SGCD: variants seen among roughly 807,000 people sequenced by gnomAD.
SGCD encodes the protein delta-sarcoglycan.
Under a neutral mutation model 36.6 loss-of-function variants are expected in SGCD, and 18 were observed. The ratio of observed to expected loss-of-function variants is 0.49; its 90% CI spans 0.34 to 0.73. SGCD has a LOEUF of 0.73. Among genes scored for constraint, SGCD ranks in the 30% least tolerant of loss-of-function variants. The pLI is 0.01. For missense variants in SGCD, 387 were observed against 346.7 expected (o/e 1.12, Z -0.92); for synonymous variants, 133 against 130.6 (o/e 1.02, Z -0.12).
chr5:155,873,053 C>T (rs1177263871), intron 1 of SGCD, among the ~76,000 whole-genome samples: 1 of 152,130 alleles, frequency 6.6e-6, no homozygotes, highest in Non-Finnish European at 1.5e-5. Context: ...GACAAAGGCA[C>T]AATGTAGTTA....
chr5:156,510,609 T>G (rs1355743120), intron 4 of SGCD, among the ~76,000 whole-genome samples: 1 of 152,118 alleles, frequency 6.6e-6, no homozygotes, highest in Non-Finnish European at 1.5e-5. Flanking sequence ...ATTTTAAACT[T>G]TTTTTTTCTT....
intron 3 of SGCD, among the ~76,000 whole-genome samples, chr5:156,226,739 C>CAACATCTA (rs1349583085): frequency 6.6e-6 from 1 of 152,082 alleles, no homozygotes; most frequent in Non-Finnish European, 1.5e-5. Flanking sequence ...TGTTCCATGC[C>CAACATCTA]AACATCTACA....
At chr5:155,852,239 T>C in the SGCD span, among the ~76,000 whole-genome samples, 6 of 152,216 alleles carry the variant, frequency 3.9e-5, no homozygotes, top group Admixed American at 6.5e-5. Flanking sequence ...TGTAATTTTT[T>C]TCAAATGTGC....
intron 1 of SGCD, among the ~76,000 whole-genome samples, chr5:156,085,865 T>G (rs919688063): frequency 4.6e-5 from 7 of 152,200 alleles, no homozygotes; most frequent in African/African-American, 1.7e-4. Flanking sequence ...AAATTCACTC[T>G]AAATATACTA....
intron 3 of SGCD, among the ~76,000 whole-genome samples, chr5:156,191,933 A>G (rs1763903010): frequency 6.6e-6 from 1 of 152,198 alleles, no homozygotes; most frequent in Non-Finnish European, 1.5e-5. Flanking sequence ...AAACAAAAAC[A>G]AAAACAAAAC....
chr5:156,479,259 A>AT (rs1469301330), intron 3 of SGCD, among the ~76,000 whole-genome samples: 19 of 150,972 alleles, frequency 1.3e-4, no homozygotes, highest in African/African-American at 3.9e-4. Flanking sequence ...TGTCTGGCTA[A>AT]TTTTTTTTGT....
At chr5:156,522,221 A>G (rs1475101064) in intron 4 of SGCD, among the ~76,000 whole-genome samples, 1 of 152,158 alleles carries the variant, frequency 6.6e-6, no homozygotes, top group Non-Finnish European at 1.5e-5. Context: ...GAGGGATAGC[A>G]TCAGGAGAAA....
At chr5:155,850,368 CAG>C in the SGCD span, among the ~76,000 whole-genome samples, 16 of 151,884 alleles carry the variant, frequency 1.1e-4, no homozygotes, top group East Asian at 1.9e-4. Context: ...GAGGAAGAAA[CAG>C]GGGAATTTTT....
At chr5:156,028,048 C>T (rs1759263658) in intron 1 of SGCD, among the ~76,000 whole-genome samples, 1 of 152,136 alleles carries the variant, frequency 6.6e-6, no homozygotes, top group Admixed American at 6.5e-5. Flanking sequence ...TCCTAAAGCT[C>T]CTGTCTTTTA....
chr5:156,399,494 T>G (rs1465662516), intron 3 of SGCD, among the ~76,000 whole-genome samples: 1 of 152,216 alleles, frequency 6.6e-6, no homozygotes, highest in Non-Finnish European at 1.5e-5. Flanking sequence ...GTGGCTTTAC[T>G]GGCCAGCTTC....
At chr5:155,776,049 A>G in the SGCD span, among the ~76,000 whole-genome samples, 1 of 152,190 alleles carries the variant, frequency 6.6e-6, no homozygotes, top group African/African-American at 2.4e-5. Context: ...AAGTTTCTGG[A>G]TGTTAACTAG....
At chr5:156,098,123 T>C (rs909029503) in intron 1 of SGCD, among the ~76,000 whole-genome samples, 1 of 152,210 alleles carries the variant, frequency 6.6e-6, no homozygotes, top group African/African-American at 2.4e-5. Context: ...AGAAGTATTT[T>C]GAGTCCACAG....
intron 7 of SGCD, among the ~76,000 whole-genome samples, chr5:156,755,452 A>C (rs1031774338): frequency 2.0e-5 from 3 of 151,954 alleles, no homozygotes; most frequent in African/African-American, 7.3e-5. Flanking sequence ...AGAGAATGGC[A>C]AAAAAAACCA....
the SGCD span, among the ~76,000 whole-genome samples, chr5:155,755,811 T>C: frequency 6.6e-6 from 1 of 152,196 alleles, no homozygotes; most frequent in African/African-American, 2.4e-5. Context: ...TTTCAATTTG[T>C]TAATGTTTAT....
At chr5:156,239,701 A>G (rs1362885289) in intron 3 of SGCD, among the ~76,000 whole-genome samples, 4 of 152,174 alleles carry the variant, frequency 2.6e-5, no homozygotes, top group Non-Finnish European at 5.9e-5. Flanking sequence ...TGAGTTTATC[A>G]CCTATTTACC....
At chr5:156,298,394 G>T (rs182499544) in intron 3 of SGCD, among the ~76,000 whole-genome samples, 1 of 151,862 alleles carries the variant, frequency 6.6e-6, no homozygotes, top group African/African-American at 2.4e-5. Context: ...GTGTACAAGG[G>T]TTCCATTTTC....
At chr5:156,566,636 A>G (rs1759489815) in intron 4 of SGCD, among the ~76,000 whole-genome samples, 1 of 152,168 alleles carries the variant, frequency 6.6e-6, no homozygotes, top group South Asian at 2.1e-4. Context: ...TTTTTCTTTG[A>G]TAATCTAAAA....
At chr5:155,865,272 T>G in the SGCD span, among the ~76,000 whole-genome samples, 1 of 78,904 alleles carries the variant, frequency 1.3e-5, no homozygotes, top group African/African-American at 2.9e-5. Context: ...AATTTATACA[T>G]TTTTTTAAAT....
At chr5:156,117,638 TCTTTGAGATAG>T (rs1459620166) in intron 1 of SGCD, among the ~76,000 whole-genome samples, 1 of 152,090 alleles carries the variant, frequency 6.6e-6, no homozygotes, top group Non-Finnish European at 1.5e-5. Flanking sequence ...CACAAAGAAC[TCTTTGAGATAG>T]ATATCACCAT....
Sources: allele counts gnomAD v4.1 joint callset (sites outside exome capture counted in the v4.1 genomes callset), GRCh38; gene constraint gnomAD v4.1.1; transcripts MANE v1.5; gene names NCBI Gene and HGNC (gene_info 2026-07-23, HGNC 2026-07-21).